Variants in CTNND1 observed in about 807,000 individuals in gnomAD.
CTNND1 encodes catenin delta 1, also known as catenin delta-1.
Under a neutral mutation model 112.1 loss-of-function variants are expected in CTNND1, and 16 were observed. The ratio of observed to expected loss-of-function variants is 0.14; its 90% CI spans 0.10 to 0.22. The LOEUF (loss-of-function observed/expected upper bound fraction) is 0.22, where lower values mean the gene tolerates loss of function less well. Ranked by LOEUF, CTNND1 falls within the 10% of genes least tolerant of loss-of-function variation. The pLI is 1.00. For synonymous variants in CTNND1, 420 were observed against 446.5 expected, an observed-to-expected ratio of 0.94 and a Z score of 0.75; for missense variants, 1,008 against 1,257.0, an observed-to-expected ratio of 0.80 and a Z score of 3.00.
chr11:57,793,161 A>G (rs1487261761), intron 3 of CTNND1: 1 of 152,142 alleles, frequency 6.6e-6, no homozygotes, highest in Non-Finnish European at 1.5e-5. Flanking sequence ...TCCCTGCAGC[A>G]TTACACTCTA....
chr11:57,798,924 C>T (rs2061681410), intron 6 of CTNND1, among the ~76,000 whole-genome samples: 1 of 152,114 alleles, frequency 6.6e-6, no homozygotes, highest in African/African-American at 2.4e-5. Context: ...CAGTGTTTTC[C>T]AGGTAAAGAG....
chr11:57,815,830 C>T, intron 19 of CTNND1, 85 bp from the exon 20 acceptor site: 1 of 1,210,536 alleles, frequency 8.3e-7, no homozygotes, highest in Non-Finnish European at 1.2e-6. Flanking sequence ...TTTGAGTTTA[C>T]AAATTTTCAG....
At position 57,788,016 on chromosome 11, in the gene CTNND1, G is replaced by A. The variant is rs1404230840; in HGVS notation, c.-213-1021G>A. Among the ~76,000 whole-genome samples the A allele has an allele frequency of 3.3e-5, 5 of 152,232 alleles. No individual in the cohort carries two copies. The highest frequency in any genetic ancestry group is 7.3e-5 in the Non-Finnish European group (5 of 68,044). Reference sequence around the variant, plus strand: ...TGTCACTGTATCCCCCGTGGTAGCAGTAATTTGGGCTTTTATTAGCAAAGA... The same window carrying A: ...TGTCACTGTATCCCCCGTGGTAGCAATAATTTGGGCTTTTATTAGCAAAGA... On this transcript the variant is annotated intron_variant, in intron 1 of 20. Transcript: ENST00000399050. This position sits in a 1 kb window ranked among gnomAD's most constrained non-coding sequence, Gnocchi z 4.1.
In CTNND1 at chr11:57,791,474, C is replaced by A; in HGVS notation, c.-5C>A. ...TGCCCTGCGGCGGCTCCGCCCCTTA[C>A]CTTCATGGACGACTCAGAGGTGGAG... On this transcript the variant is annotated 5_prime_UTR_variant, in exon 3 of 21. Transcript: ENST00000399050. The A allele has an allele frequency of 6.7e-7, 1 of 1,500,070 alleles. No homozygotes were observed. The highest frequency in any genetic ancestry group is 2.6e-5 in the East Asian group (1 of 38,798). 92.9% of individuals were successfully genotyped at this position (1,500,070 alleles called of 1,614,324 possible).
At chr11:57,816,082 T>C in intron 20 of CTNND1, 81 bp downstream of exon 20, 1 of 1,292,832 alleles carries the variant, frequency 7.7e-7, no homozygotes, top group Non-Finnish European at 1.1e-6. Flanking sequence ...CACGCTAATC[T>C]GATCAGGCCA....
At chr11:57,765,866 A>G (rs1335002340) in intron 1 of CTNND1, among the ~76,000 whole-genome samples, 1 of 152,152 alleles carries the variant, frequency 6.6e-6, no homozygotes. Flanking sequence ...TGGTACAAAG[A>G]ATAGTATAAA....
rs1022176649 is a variant in CTNND1, at chr11:57,761,895, GGA to G, written c.-427_-426del. The G allele has an allele frequency of 5.1e-6, 5 of 985,206 alleles. No individual in the cohort carries two copies. The South Asian group carries it at 2.4e-4, about 46-fold the overall frequency. 61.0% of individuals were successfully genotyped at this position (985,206 alleles called of 1,614,324 possible). A position where few individuals can be genotyped will look rare whatever the true frequency, so the allele number is the denominator to read the frequency against. On this transcript the variant is annotated 5_prime_UTR_variant, in exon 1 of 21. Transcript: ENST00000399050. ...TCTGAGGGGGAAAAAAAAGAGAGAG[GGA>G]GAGAGAGAGAAAGAAGAGCAGGAAA...
chr11:57,814,596 A>G (rs1226799200), intron 18 of CTNND1, among the ~76,000 whole-genome samples: 1 of 152,172 alleles, frequency 6.6e-6, no homozygotes, highest in Non-Finnish European at 1.5e-5. Context: ...AAATCTTTCT[A>G]TGCCTCTCCT....
chr11:57,802,939 G>T (rs185562844), intron 7 of CTNND1, among the ~76,000 whole-genome samples: 25 of 152,280 alleles, frequency 1.6e-4, no homozygotes, highest in African/African-American at 5.1e-4. Context: ...ACAGGGGAGA[G>T]GGAGTGCTAC....
chr11:57,814,135 T>C, intron 17 of CTNND1, 176 bp from the exon 18 acceptor site: 1 of 580,168 alleles, frequency 1.7e-6, no homozygotes. Flanking sequence ...AGCAACATAG[T>C]GAGACCTCAT....
At chr11:57,810,283 T>C in intron 16 of CTNND1, 60 bp downstream of exon 16, 4 of 1,255,276 alleles carry the variant, frequency 3.2e-6, no homozygotes, top group Non-Finnish European at 4.5e-6. Context: ...AGGATAATGC[T>C]TCTGTTTTCT....
At chr11:57,789,647 T>C (rs780949004) in intron 2 of CTNND1, among the ~76,000 whole-genome samples, 21 of 151,992 alleles carry the variant, frequency 1.4e-4, no homozygotes, top group Non-Finnish European at 2.6e-4. Context: ...TAATGTACGC[T>C]AAGGATAGCC....
intron 1 of CTNND1, among the ~76,000 whole-genome samples, chr11:57,769,368 T>C (rs1364583918): frequency 6.6e-6 from 1 of 151,278 alleles, no homozygotes; most frequent in Admixed American, 6.6e-5. Context: ...TTGCCCTGTC[T>C]CCAACTCCTG....
chr11:57,806,447 T>C lies in CTNND1; in HGVS notation c.1877-14T>C. ...TCTCTTCTCTGCTTTCTACCTTGGG[T>C]GATGCACTGGAAGATGAGTGGTTCT... is the stretch of plus-strand genomic sequence containing the variant. On this transcript the variant is annotated splice_polypyrimidine_tract_variant and intron_variant, in intron 10 of 20. Transcript: ENST00000399050. The C allele has an allele frequency of 6.2e-7, 1 of 1,600,054 alleles. No homozygotes were observed. Among genetic ancestry groups the C allele is most frequent in the Non-Finnish European group, 8.5e-7 (1 of 1,172,032 alleles).
Position 57,818,905 on chromosome 11 carries a change from A to C in CTNND1, c.*2597A>C, listed in dbSNP as rs554099518. The C allele has an allele frequency of 6.6e-6, 1 of 152,230 alleles. No homozygotes were observed. The highest frequency in any genetic ancestry group is 2.4e-5 in the African/African-American group (1 of 41,458). 9.4% of individuals were successfully genotyped at this position (152,230 alleles called of 1,614,324 possible). A position where few individuals can be genotyped will look rare whatever the true frequency, so the allele number is the denominator to read the frequency against. On this transcript the variant is annotated 3_prime_UTR_variant, in exon 21 of 21. Coordinates refer to ENST00000399050, the MANE Select transcript of CTNND1 (RefSeq NM_001085458.2). ...TAGGATCAAAAGGCCCATGTATATA[A>C]GTACTGACCACTGGGCCATAATGTT...
At position 57,818,762 on chromosome 11, in the gene CTNND1, C is replaced by A. The variant is rs948307137; in HGVS notation, c.*2454C>A. 5 of 152,172 alleles carry A rather than the reference C, an allele frequency of 3.3e-5. No homozygotes were observed. The highest frequency in any genetic ancestry group is 9.7e-5 in the African/African-American group (4 of 41,434). 9.4% of individuals were successfully genotyped at this position (152,172 alleles called of 1,614,324 possible). A position where few individuals can be genotyped will look rare whatever the true frequency, so the allele number is the denominator to read the frequency against. On this transcript the variant is annotated 3_prime_UTR_variant, in exon 21 of 21. Transcript: ENST00000399050. ...TACTTTAATTACTGGAATTCTTCTGCAACATTTGACAAAACTAACCTTGAA... is the reference window on the plus strand; with the variant it reads ...TACTTTAATTACTGGAATTCTTCTGAAACATTTGACAAAACTAACCTTGAA...
intron 6 of CTNND1, among the ~76,000 whole-genome samples, chr11:57,799,236 A>C (rs1288475602): frequency 6.6e-6 from 1 of 152,208 alleles, no homozygotes; most frequent in African/African-American, 2.4e-5. Flanking sequence ...AACCTAGAGC[A>C]GTGGTAGATA....
At chr11:57,767,187 G>A (rs370862945) in intron 1 of CTNND1, among the ~76,000 whole-genome samples, 1 of 152,066 alleles carries the variant, frequency 6.6e-6, no homozygotes, top group Non-Finnish European at 1.5e-5. Flanking sequence ...TGCCAGGTTG[G>A]TCTCAAACTC....
intron 1 of CTNND1, among the ~76,000 whole-genome samples, chr11:57,762,767 C>G (rs180790809): frequency 2.0e-5 from 3 of 152,272 alleles, no homozygotes; most frequent in Admixed American, 2.0e-4. Flanking sequence ...ATTGCCATCT[C>G]CTTCTTCCTT....
Sources: gnomAD v4.1 joint callset for allele counts (sites outside exome capture counted in the v4.1 genomes callset) on GRCh38, gnomAD v4.1.1 for gene constraint, Gnocchi (gnomAD v3.1) non-coding constraint, MANE v1.5 for transcripts, NCBI Gene and HGNC (gene_info 2026-07-23, HGNC 2026-07-21) for gene names.